Variants in NCOA2 observed in about 807,000 individuals in gnomAD.
NCOA2 encodes the protein class E basic helix-loop-helix protein 75.
Under a neutral mutation model 145.1 loss-of-function variants are expected in NCOA2, and 21 were observed. The ratio of observed to expected loss-of-function variants is 0.14; its 90% CI spans 0.10 to 0.21. NCOA2 has a LOEUF of 0.21. Ranked by LOEUF, NCOA2 falls within the 10% of genes least tolerant of loss-of-function variation. The pLI is 1.00. For synonymous variants in NCOA2, 619 were observed against 637.5 expected (o/e 0.97, Z 0.44); for missense variants, 1,472 against 1,837.6 (o/e 0.80, Z 3.64).
At chr8:70,386,529 T>C (rs1812678808) in intron 1 of NCOA2, among the ~76,000 whole-genome samples, 1 of 152,026 alleles carries the variant, frequency 6.6e-6, no homozygotes, top group Non-Finnish European at 1.5e-5. Flanking sequence ...GTCCAAAAAA[T>C]ACATGTCATC....
At chr8:70,298,632 G>C (rs928247291) in intron 1 of NCOA2, among the ~76,000 whole-genome samples, 10 of 152,156 alleles carry the variant, frequency 6.6e-5, no homozygotes, top group African/African-American at 2.4e-4. Flanking sequence ...ATCATATTAT[G>C]CAACAATCAG....
intron 1 of NCOA2, among the ~76,000 whole-genome samples, chr8:70,373,039 A>G (rs1397863382): frequency 6.6e-6 from 1 of 152,222 alleles, no homozygotes; most frequent in African/African-American, 2.4e-5. Context: ...GGTTTTATCC[A>G]GTTTGAGAAT....
At chr8:70,177,012 T>G (rs1337370237) in intron 4 of NCOA2, among the ~76,000 whole-genome samples, 1 of 152,226 alleles carries the variant, frequency 6.6e-6, no homozygotes, top group African/African-American at 2.4e-5. Context: ...TTCTTTATTG[T>G]CTTCAGTGTT....
At chr8:70,424,561 G>T in the NCOA2 span, 1 of 521,008 alleles carries the variant, frequency 1.9e-6, no homozygotes, top group Non-Finnish European at 3.9e-6. Flanking sequence ...AATTTCTCAG[G>T]GATCACAAGA....
chr8:70,361,922 A>T (rs959656036), intron 1 of NCOA2, among the ~76,000 whole-genome samples: 1 of 152,244 alleles, frequency 6.6e-6, no homozygotes, highest in Non-Finnish European at 1.5e-5. Context: ...AAAATCCCAA[A>T]TATTTTAAAC....
intron 4 of NCOA2, among the ~76,000 whole-genome samples, chr8:70,180,668 G>A (rs1815372616): frequency 6.6e-6 from 1 of 152,110 alleles, no homozygotes; most frequent in Non-Finnish European, 1.5e-5. Flanking sequence ...ATTGCTCATT[G>A]GCATGTACAG....
chr8:70,302,614 G>C (rs1827593804), intron 1 of NCOA2, among the ~76,000 whole-genome samples: 1 of 152,058 alleles, frequency 6.6e-6, no homozygotes, highest in Admixed American at 6.6e-5. Flanking sequence ...TACTCATTTT[G>C]CCTATTAAGG....
At chr8:70,343,917 T>C (rs560935871) in intron 1 of NCOA2, among the ~76,000 whole-genome samples, 1 of 152,274 alleles carries the variant, frequency 6.6e-6, no homozygotes, top group East Asian at 1.9e-4. Context: ...GTTGACTGTT[T>C]AGAACCTGGG....
intron 4 of NCOA2, among the ~76,000 whole-genome samples, chr8:70,179,317 T>A (rs772550042): frequency 1.4e-4 from 21 of 152,232 alleles, no homozygotes; most frequent in Admixed American, 3.3e-4. Context: ...AATCGGAATC[T>A]AAATTAAAGT....
Position 70,128,417 on chromosome 8 carries a change from T to C in NCOA2, c.3681+16A>G, listed in dbSNP as rs530708540. 3.1e-6 allele frequency: 5 copies of C among 1,604,700 alleles called. No individual in the cohort carries two copies. In the South Asian group the frequency reaches 5.6e-5, roughly 18 times the overall value. ...CATGCATACAATGAAAGCTAATGGCTGGTATGTTGCCTTACCTGTGTTGGT... is the reference window on the plus strand; with the variant it reads ...CATGCATACAATGAAAGCTAATGGCCGGTATGTTGCCTTACCTGTGTTGGT... On this transcript the variant is annotated intron_variant, in intron 18 of 22. Coordinates refer to ENST00000452400, the MANE Select transcript of NCOA2 (RefSeq NM_006540.4).
chr8:70,236,402 C>G (rs1045997752), intron 2 of NCOA2, among the ~76,000 whole-genome samples: 2 of 152,124 alleles, frequency 1.3e-5, no homozygotes, highest in Non-Finnish European at 2.9e-5. Context: ...TTGACCTTTT[C>G]TGTTTGCCCG....
chr8:70,145,519 C>T (rs1276724413), intron 12 of NCOA2, among the ~76,000 whole-genome samples: 1 of 151,960 alleles, frequency 6.6e-6, no homozygotes, highest in African/African-American at 2.4e-5. Context: ...GACGGGGTTT[C>T]ACCATGTTGG....
At chr8:70,242,157 G>A (rs1822192647) in intron 2 of NCOA2, among the ~76,000 whole-genome samples, 1 of 151,998 alleles carries the variant, frequency 6.6e-6, no homozygotes, top group African/African-American at 2.4e-5. Context: ...GACTATTCTA[G>A]CCAATCAATT....
At chr8:70,432,728 T>C in the NCOA2 span, among the ~76,000 whole-genome samples, 6 of 152,020 alleles carry the variant, frequency 3.9e-5, no homozygotes, top group Non-Finnish European at 7.4e-5. Flanking sequence ...CAAAAACAAA[T>C]AAATGCTGAA....
intron 2 of NCOA2, 23 bp from the exon 3 acceptor site, chr8:70,216,787 G>A (rs1329912272): frequency 1.2e-5 from 17 of 1,455,846 alleles, no homozygotes; most frequent in Admixed American, 6.9e-5. Flanking sequence ...ACAGAGAAGA[G>A]GAAGAAAAAA....
At chr8:70,260,413 G>A (rs1824017263) in intron 2 of NCOA2, among the ~76,000 whole-genome samples, 1 of 151,996 alleles carries the variant, frequency 6.6e-6, no homozygotes, top group Admixed American at 6.6e-5. Flanking sequence ...GAGGCACCAT[G>A]GCATGAGGCA....
intron 1 of NCOA2, among the ~76,000 whole-genome samples, chr8:70,381,288 C>T (rs965567023): frequency 1.4e-4 from 22 of 151,958 alleles, no homozygotes; most frequent in Admixed American, 2.0e-4. Context: ...CAGGAAGCCG[C>T]ACAGAAAAAC....
At chr8:70,316,644 T>C (rs766431345) in intron 1 of NCOA2, among the ~76,000 whole-genome samples, 2 of 152,086 alleles carry the variant, frequency 1.3e-5, no homozygotes, top group Non-Finnish European at 2.9e-5. Context: ...AACTTCAAGG[T>C]AGGAGATAGA....
chr8:70,141,512 G>T, intron 13 of NCOA2, 113 bp from the exon 14 acceptor site: 1 of 982,320 alleles, frequency 1.0e-6, no homozygotes, highest in Non-Finnish European at 1.5e-6. Context: ...TTCACACTTA[G>T]CCAATAGCTA....
Sources: allele counts gnomAD v4.1 joint callset (sites outside exome capture counted in the v4.1 genomes callset), GRCh38; gene constraint gnomAD v4.1.1; transcripts MANE v1.5; gene names NCBI Gene and HGNC (gene_info 2026-07-23, HGNC 2026-07-21).